HECW1: variants seen among roughly 807,000 people sequenced by gnomAD.
HECW1 encodes the protein HECT, C2 and WW domain containing E3 ubiquitin protein ligase 1, also known as E3 ubiquitin-protein ligase HECW1.
Under a neutral mutation model 182.3 loss-of-function variants are expected in HECW1, and 61 were observed. The observed-to-expected ratio is 0.33, with a 90% confidence interval of 0.27 to 0.41. The LOEUF (loss-of-function observed/expected upper bound fraction) is 0.41. Ranked by LOEUF, HECW1 falls within the 10% of genes least tolerant of loss-of-function variation. The pLI is 1.00. For synonymous variants in HECW1, 859 were observed against 832.6 expected, an observed-to-expected ratio of 1.03 and a Z score of -0.55; for missense variants, 1,739 against 2,108.9, an observed-to-expected ratio of 0.82 and a Z score of 3.44.
intron 5 of HECW1, among the ~76,000 whole-genome samples, chr7:43,354,690 A>G (rs1814893170): frequency 1.3e-5 from 2 of 152,210 alleles, no homozygotes; most frequent in Admixed American, 1.3e-4. Flanking sequence ...ACCAAATCTA[A>G]GAATTATTGG....
intron 3 of HECW1, among the ~76,000 whole-genome samples, chr7:43,279,379 G>A (rs957549441): frequency 1.3e-5 from 2 of 151,928 alleles, no homozygotes; most frequent in East Asian, 1.9e-4. Context: ...TAAGCCAGAG[G>A]CCCTGCACTT....
chr7:43,549,185 T>C (rs2081695623), intron 26 of HECW1, among the ~76,000 whole-genome samples: 1 of 152,192 alleles, frequency 6.6e-6, no homozygotes, highest in African/African-American at 2.4e-5. Flanking sequence ...AGAATTTACT[T>C]ACATGCCACA....
chr7:43,284,974 CACATTT>C (rs1562782837), intron 3 of HECW1, among the ~76,000 whole-genome samples: 1 of 149,002 alleles, frequency 6.7e-6, no homozygotes, highest in Admixed American at 6.7e-5. Flanking sequence ...GTGCTTTATT[CACATTT>C]ATGTGCTTTC....
At chr7:43,126,067 C>CTTTTTTTTTTTTTTTTT (rs71008891) in intron 2 of HECW1, among the ~76,000 whole-genome samples, 2 of 103,984 alleles carry the variant, frequency 1.9e-5, no homozygotes, top group Non-Finnish European at 3.7e-5. Flanking sequence ...TTTGTTCTCA[C>CTTTTTTTTTTTTTTTTT]TTTTTTTTTT....
intron 9 of HECW1, chr7:43,440,548 C>A (rs1219101092): frequency 1.3e-5 from 2 of 152,154 alleles, no homozygotes; most frequent in Non-Finnish European, 2.9e-5. Flanking sequence ...AACTGCAGCA[C>A]CTTTCACATG....
At chr7:43,216,250 A>AT (rs1796430510) in intron 2 of HECW1, among the ~76,000 whole-genome samples, 1 of 151,874 alleles carries the variant, frequency 6.6e-6, no homozygotes, top group Non-Finnish European at 1.5e-5. Flanking sequence ...GGTTCAAGTG[A>AT]TTCTTCAGCC....
intron 8 of HECW1, among the ~76,000 whole-genome samples, chr7:43,424,288 G>A (rs2076285735): frequency 1.3e-5 from 2 of 152,128 alleles, no homozygotes; most frequent in South Asian, 4.1e-4. Flanking sequence ...GCATTTTTCA[G>A]GGCAATGGGT....
In HECW1 at chr7:43,412,023, T is replaced by A. The variant is rs140911173; in HGVS notation, c.801+4292T>A. 1.4e-4 allele frequency among the ~76,000 whole-genome samples: 22 copies of A among 152,272 alleles called. No homozygotes were observed. The East Asian group carries it at 4.0e-3, about 28-fold the overall frequency. ...TTGTCCTCTGGATTGTTTTCTTATTTCCCCTTCTTGACTTGTTTTTGGATT... is the reference window on the plus strand; with the variant it reads ...TTGTCCTCTGGATTGTTTTCTTATTACCCCTTCTTGACTTGTTTTTGGATT... On this transcript the variant is annotated intron_variant, in intron 8 of 29. Transcript: ENST00000395891.
intron 5 of HECW1, among the ~76,000 whole-genome samples, chr7:43,354,998 GGA>G (rs1277669892): frequency 1.3e-5 from 2 of 151,278 alleles, no homozygotes; most frequent in Non-Finnish European, 2.9e-5. Context: ...AGACCAAGAG[GGA>G]GTGAGATGAC....
At chr7:43,474,067 A>G (rs575937062) in intron 16 of HECW1, among the ~76,000 whole-genome samples, 5 of 152,352 alleles carry the variant, frequency 3.3e-5, no homozygotes, top group Middle Eastern at 3.4e-3. Flanking sequence ...GTTTAGAAAT[A>G]AAAGAATAAA....
At chr7:43,389,648 G>A (rs916931866) in intron 6 of HECW1, among the ~76,000 whole-genome samples, 10 of 152,020 alleles carry the variant, frequency 6.6e-5, no homozygotes, top group South Asian at 4.2e-4. Context: ...TGTTGTTGTC[G>A]TTGTTTTAAA....
chr7:43,216,783 T>C lies in HECW1; in HGVS notation c.-31-27092T>C, dbSNP rs373664208. Among the ~76,000 whole-genome samples the C allele has an allele frequency of 2.7e-3, 417 of 152,078 alleles. 2 individuals are homozygous for C. Among genetic ancestry groups the C allele is most frequent in the Middle Eastern group, 0.01 (3 of 294 alleles). ...GATTCTCCTGCTTCAGCCTCCCAAG[T>C]AGTTGGGATTACAGGCACCCACCAC... On this transcript the variant is annotated intron_variant, in intron 2 of 29. Transcript: ENST00000395891.
intron 26 of HECW1, among the ~76,000 whole-genome samples, chr7:43,548,762 C>T (rs898017623): frequency 6.6e-6 from 1 of 151,914 alleles, no homozygotes; most frequent in Non-Finnish European, 1.5e-5. Context: ...GCCAACATGG[C>T]GAAACCCTGT....
At position 43,444,159 on chromosome 7, in the gene HECW1, T is replaced by C. The variant is rs1415467867; in HGVS notation, c.1046-59T>C. The C allele has an allele frequency of 6.6e-7, 1 of 1,507,830 alleles. No individual in the cohort carries two copies. Among genetic ancestry groups the C allele is most frequent in the African/African-American group, 1.4e-5 (1 of 72,056 alleles). 93.4% of individuals were successfully genotyped at this position (1,507,830 alleles called of 1,614,324 possible). A position where few individuals can be genotyped will look rare whatever the true frequency, so the allele number is the denominator to read the frequency against. ...GATGGCTTACATGTCCCACAGGGTA[T>C]CCTAACACCACAATGCTCTCTTCTG... On this transcript the variant is annotated intron_variant, in intron 10 of 29. Coordinates refer to ENST00000395891, the MANE Select transcript of HECW1 (RefSeq NM_015052.5). The surrounding 1 kb of genome is among the most constrained non-coding windows in gnomAD (Gnocchi z 4.3).
chr7:43,510,273 A>G (rs548495742), intron 24 of HECW1: 4 of 152,330 alleles, frequency 2.6e-5, no homozygotes, highest in Middle Eastern at 6.8e-3. Context: ...ATACACATAC[A>G]CAGATTATAC....
intron 29 of HECW1, among the ~76,000 whole-genome samples, chr7:43,561,612 T>A (rs2082210439): frequency 6.6e-6 from 1 of 152,258 alleles, no homozygotes; most frequent in Non-Finnish European, 1.5e-5. Context: ...AAACAACCCA[T>A]TTTTAGTTAT....
intron 5 of HECW1, among the ~76,000 whole-genome samples, chr7:43,336,230 G>C (rs993178425): frequency 2.3e-4 from 30 of 130,856 alleles, no homozygotes; most frequent in African/African-American, 7.9e-4. Context: ...GGAGTACAGT[G>C]GTGGGATCAT....
intron 3 of HECW1, among the ~76,000 whole-genome samples, chr7:43,290,787 TG>T (rs1215443784): frequency 5.9e-5 from 9 of 152,282 alleles, no homozygotes; most frequent in Non-Finnish European, 1.0e-4. Flanking sequence ...TGAGTGCCCA[TG>T]GTGGGGCCCA....
chr7:43,473,160 C>G (rs536771070), intron 16 of HECW1, among the ~76,000 whole-genome samples: 87 of 152,334 alleles, frequency 5.7e-4, no homozygotes, highest in South Asian at 2.3e-3. Context: ...CCTCTACCCC[C>G]ACTCTGTCTG....
Sources: gnomAD v4.1 joint callset for allele counts (sites outside exome capture counted in the v4.1 genomes callset) on GRCh38, gnomAD v4.1.1 for gene constraint, Gnocchi (gnomAD v3.1) non-coding constraint, MANE v1.5 for transcripts, NCBI Gene and HGNC (gene_info 2026-07-23, HGNC 2026-07-21) for gene names.